Variants in TPST1 observed in about 807,000 individuals in gnomAD.
TPST1 encodes protein-tyrosine sulfotransferase 1.
Under a neutral mutation model 34.8 loss-of-function variants are expected in TPST1, and 20 were observed. The observed-to-expected ratio is 0.57, with a 90% CI of 0.40 to 0.84. The LOEUF is 0.84. Among genes scored for constraint, TPST1 ranks in the 40% least tolerant of loss-of-function variants. The probability of loss-of-function intolerance (pLI) is 0.00; values close to 1 mark genes in which losing one functional copy is unlikely to be tolerated. For missense variants in TPST1, 353 were observed against 455.5 expected, an observed-to-expected ratio of 0.78 and a Z score of 2.05; for synonymous variants, 152 against 159.4, an observed-to-expected ratio of 0.95 and a Z score of 0.35.
At chr7:66,313,619 A>G (rs1791576246) in intron 3 of TPST1, among the ~76,000 whole-genome samples, 6 of 152,148 alleles carry the variant, frequency 3.9e-5, no homozygotes. Flanking sequence ...ATCGTTCCTC[A>G]TATTTTCCAG....
At chr7:66,303,673 G>T (rs914732042) in intron 3 of TPST1, among the ~76,000 whole-genome samples, 3 of 152,146 alleles carry the variant, frequency 2.0e-5, no homozygotes, top group Non-Finnish European at 4.4e-5. Flanking sequence ...GCCTCTCAAA[G>T]TGCTGGGATT....
intron 1 of TPST1, among the ~76,000 whole-genome samples, chr7:66,206,923 C>T (rs1789142114): frequency 6.6e-6 from 1 of 151,970 alleles, no homozygotes; most frequent in Admixed American, 6.6e-5. Flanking sequence ...AGGAATTATC[C>T]ACCCCTCTCC....
At chr7:66,357,038 G>C (rs145305919) in intron 5 of TPST1, among the ~76,000 whole-genome samples, 167 bp downstream of exon 5, 172 of 152,314 alleles carry the variant, frequency 1.1e-3, no homozygotes, top group East Asian at 3.9e-3. Context: ...ACCTCTCTGT[G>C]TCTTCATTTA....
At chr7:66,260,789 A>G (rs568478583) in intron 2 of TPST1, among the ~76,000 whole-genome samples, 1 of 152,274 alleles carries the variant, frequency 6.6e-6, no homozygotes, top group South Asian at 2.1e-4. Context: ...CTGAAGAAAT[A>G]CTTAGTCTGT....
At position 66,234,069 on chromosome 7, in the gene TPST1, G is replaced by T. The variant is rs547306597; in HGVS notation, c.-101-6256G>T. Among the ~76,000 whole-genome samples the T allele has an allele frequency of 6.6e-5, 10 of 152,110 alleles. No homozygotes were observed. The East Asian group carries it at 1.9e-3, about 30-fold the overall frequency. ...GACAGGGTTTCACCATTTTGGCCAG[G>T]CTGGTCTCAAACTCTTGACCTCAGG... On this transcript the variant is annotated intron_variant, in intron 1 of 5. Transcript: ENST00000304842.
At chr7:66,321,288 C>T (rs1791751972) in intron 3 of TPST1, among the ~76,000 whole-genome samples, 1 of 152,210 alleles carries the variant, frequency 6.6e-6, no homozygotes, top group African/African-American at 2.4e-5. Context: ...CAAGGAAGCT[C>T]ACCTGAGCTT....
chr7:66,207,727 G>T (rs1789160317), intron 1 of TPST1, among the ~76,000 whole-genome samples: 1 of 152,030 alleles, frequency 6.6e-6, no homozygotes, highest in Non-Finnish European at 1.5e-5. Flanking sequence ...TGAACCTCAG[G>T]TTCTAATTTT....
chr7:66,215,366 A>G (rs1364364406), intron 1 of TPST1, among the ~76,000 whole-genome samples: 3 of 148,486 alleles, frequency 2.0e-5, no homozygotes, highest in African/African-American at 7.5e-5. Context: ...CCCTAATATT[A>G]TATATATGTA....
intron 3 of TPST1, among the ~76,000 whole-genome samples, chr7:66,317,272 C>T (rs1791653569): frequency 6.6e-6 from 1 of 151,620 alleles, no homozygotes; most frequent in African/African-American, 2.4e-5. Flanking sequence ...GGGGGGTTTG[C>T]TTATTTGGGG....
intron 1 of TPST1, among the ~76,000 whole-genome samples, chr7:66,224,032 T>G (rs1194402716): frequency 1.3e-5 from 2 of 152,210 alleles, no homozygotes; most frequent in Non-Finnish European, 1.5e-5. Context: ...CAGCTGACTT[T>G]CAAAGATTGT....
intron 1 of TPST1, among the ~76,000 whole-genome samples, chr7:66,222,531 G>A (rs141260722): frequency 6.6e-6 from 1 of 152,314 alleles, no homozygotes; most frequent in East Asian, 1.9e-4. Context: ...ACAGTGGTAT[G>A]TGTGCTTTGA....
At chr7:66,227,371 A>G (rs960185768) in intron 1 of TPST1, among the ~76,000 whole-genome samples, 1 of 152,088 alleles carries the variant, frequency 6.6e-6, no homozygotes, top group African/African-American at 2.4e-5. Context: ...AACAAATACC[A>G]GGCTTTCAGC....
chr7:66,329,719 T>C (rs1310067086), intron 3 of TPST1, among the ~76,000 whole-genome samples: 1 of 152,196 alleles, frequency 6.6e-6, no homozygotes, highest in Non-Finnish European at 1.5e-5. Context: ...CCACTTCCAT[T>C]AGATAAAGAA....
At chr7:66,311,049 G>A (rs1584229576) in intron 3 of TPST1, among the ~76,000 whole-genome samples, 1 of 151,832 alleles carries the variant, frequency 6.6e-6, no homozygotes, top group Admixed American at 6.6e-5. Context: ...ATTTTCATAG[G>A]CCTTCAAAGC....
intron 3 of TPST1, among the ~76,000 whole-genome samples, chr7:66,301,134 C>G (rs1791307904): frequency 6.6e-6 from 1 of 152,102 alleles, no homozygotes; most frequent in South Asian, 2.1e-4. Flanking sequence ...ATCTTTTTTC[C>G]TAAGCAATAG....
At chr7:66,226,948 A>G (rs1165057077) in intron 1 of TPST1, among the ~76,000 whole-genome samples, 2 of 147,264 alleles carry the variant, frequency 1.4e-5, no homozygotes, top group Non-Finnish European at 3.0e-5. Context: ...TTGGATGCCT[A>G]TAGGGATTTC....
chr7:66,260,629 G>C (rs1456048127), intron 2 of TPST1, among the ~76,000 whole-genome samples: 1 of 152,018 alleles, frequency 6.6e-6, no homozygotes, highest in Non-Finnish European at 1.5e-5. Context: ...TACTTTTTTG[G>C]TTGCTGGATA....
At chr7:66,285,476 C>T (rs1228996700) in intron 2 of TPST1, among the ~76,000 whole-genome samples, 1 of 152,128 alleles carries the variant, frequency 6.6e-6, no homozygotes, top group African/African-American at 2.4e-5. Context: ...AAACCTGGAG[C>T]AGGTAGCCCC....
At chr7:66,227,192 C>T (rs951388078) in intron 1 of TPST1, among the ~76,000 whole-genome samples, 2 of 151,702 alleles carry the variant, frequency 1.3e-5, no homozygotes, top group Non-Finnish European at 2.9e-5. Context: ...GCCATGATGC[C>T]TGGCTAATTT....
Sources: allele counts gnomAD v4.1 joint callset (sites outside exome capture counted in the v4.1 genomes callset), GRCh38; gene constraint gnomAD v4.1.1; transcripts MANE v1.5; gene names NCBI Gene and HGNC (gene_info 2026-07-23, HGNC 2026-07-21).